CDH13: variants seen among roughly 807,000 people sequenced by gnomAD.
CDH13 encodes cadherin-13.
In CDH13, 24 loss-of-function variants were observed where a neutral mutation model predicts 63.8. The observed-to-expected ratio is 0.38, with a 90% confidence interval of 0.27 to 0.53. The LOEUF (loss-of-function observed/expected upper bound fraction) is 0.53, where lower values mean the gene tolerates loss of function less well. CDH13 is among the 20% of genes least tolerant of loss of function. CDH13 has a pLI of 0.85. For missense variants in CDH13, 1,049 were observed against 903.1 expected (o/e 1.16, Z -2.07); for synonymous variants, 503 against 355.3 (o/e 1.42, Z -4.67).
At chr16:83,092,999 A>T (rs77002678) in intron 3 of CDH13, among the ~76,000 whole-genome samples, 2,615 of 152,314 alleles carry the variant, frequency 0.017, 78 homozygotes, top group African/African-American at 0.059. Flanking sequence ...GTATCTACTA[A>T]TGAAAATGTG....
intron 6 of CDH13, among the ~76,000 whole-genome samples, chr16:83,350,862 C>G (rs1202202743): frequency 6.6e-6 from 1 of 152,152 alleles, no homozygotes; most frequent in African/African-American, 2.4e-5. Flanking sequence ...CACCTGAGTT[C>G]CTTTTCAAGA....
Position 82,956,136 on chromosome 16 carries a change from A to G in CDH13, c.158-75874A>G, listed in dbSNP as rs1295580267. 2.0e-5 allele frequency among the ~76,000 whole-genome samples: 3 copies of G among 152,068 alleles called. No homozygotes were observed. In the East Asian group the frequency reaches 5.8e-4, roughly 30 times the overall value. On this transcript the variant is annotated intron_variant, in intron 2 of 13. Coordinates refer to ENST00000567109, the MANE Select transcript of CDH13 (RefSeq NM_001257.5). ...GTATGCTTTCTATTTTAGCAAATCAAGGGTGCTACTCACCGTGCTGTTGCC... is the reference window on the plus strand; with the variant it reads ...GTATGCTTTCTATTTTAGCAAATCAGGGGTGCTACTCACCGTGCTGTTGCC...
intron 1 of CDH13, chr16:82,825,518 C>G (rs2151102403): frequency 6.6e-6 from 1 of 150,848 alleles, no homozygotes; most frequent in Non-Finnish European, 1.5e-5. Context: ...CTTATTTCCT[C>G]TTAGATCTAA....
Position 82,719,293 on chromosome 16 carries a change from G to A in CDH13, c.45+92156G>A, listed in dbSNP as rs78541536. The A allele has an allele frequency of 1.9e-3, 854 of 450,278 alleles. 5 individuals are homozygous for A. Among genetic ancestry groups the A allele is most frequent in the African/African-American group, 0.016 (796 of 50,022 alleles). The allele number at this position is 450,278 out of a possible 1,614,324, so 27.9% of individuals were successfully genotyped here. On this transcript the variant is annotated intron_variant, in intron 1 of 13. Coordinates refer to ENST00000567109, the MANE Select transcript of CDH13 (RefSeq NM_001257.5). ...TTTGGCCTGAGTCTATCTGGGACAG[G>A]TGGTGTGGAGATGCACTGTTACTAA... is the stretch of plus-strand genomic sequence containing the variant.
At chr16:83,766,431 A>T (rs1206986317) in intron 11 of CDH13, among the ~76,000 whole-genome samples, 2 of 152,232 alleles carry the variant, frequency 1.3e-5, no homozygotes, top group Non-Finnish European at 1.5e-5. Flanking sequence ...GAATTCAAAC[A>T]TATGCTGAGC....
intron 11 of CDH13, among the ~76,000 whole-genome samples, chr16:83,758,329 C>T (rs1018107242): frequency 8.6e-5 from 13 of 151,766 alleles, no homozygotes; most frequent in African/African-American, 3.1e-4. Context: ...AAATTCTTAA[C>T]AAAAATATTA....
At chr16:82,837,530 A>G (rs1006785865) in intron 1 of CDH13, among the ~76,000 whole-genome samples, 3 of 152,202 alleles carry the variant, frequency 2.0e-5, no homozygotes, top group Non-Finnish European at 4.4e-5. Context: ...GAAAATATAC[A>G]AAATGAAATC....
intron 6 of CDH13, among the ~76,000 whole-genome samples, chr16:83,464,239 A>G (rs1045353012): frequency 6.6e-6 from 1 of 152,148 alleles, no homozygotes; most frequent in South Asian, 2.1e-4. Context: ...TTTGCTGGGC[A>G]TGGTGGCTCA....
At chr16:82,982,312 T>C (rs919692935) in intron 2 of CDH13, among the ~76,000 whole-genome samples, 1 of 152,160 alleles carries the variant, frequency 6.6e-6, no homozygotes, top group Admixed American at 6.5e-5. Context: ...AGTTGACATT[T>C]TCCAATATTC....
At chr16:83,173,801 T>A (rs8063296) in intron 4 of CDH13, among the ~76,000 whole-genome samples, 6 of 151,956 alleles carry the variant, frequency 3.9e-5, no homozygotes, top group South Asian at 2.1e-4. Context: ...GGTTGTACCC[T>A]TTTTACCTGC....
chr16:83,590,564 G>C (rs985874869), intron 7 of CDH13, among the ~76,000 whole-genome samples: 22 of 152,126 alleles, frequency 1.4e-4, no homozygotes, highest in African/African-American at 5.3e-4. Flanking sequence ...ATGCTGTTTG[G>C]TGTCTTAGAG....
chr16:82,725,421 C>G (rs1264248714), intron 1 of CDH13, among the ~76,000 whole-genome samples: 2 of 152,152 alleles, frequency 1.3e-5, no homozygotes, highest in African/African-American at 4.8e-5. Flanking sequence ...GCTAGCTCCA[C>G]CACTTAGCAG....
chr16:83,464,270 T>C (rs1166186241), intron 6 of CDH13, among the ~76,000 whole-genome samples: 2 of 152,044 alleles, frequency 1.3e-5, no homozygotes, highest in African/African-American at 4.8e-5. Flanking sequence ...CCCAGCACTT[T>C]GGGAGGCCAA....
rs570842078 is a variant in CDH13, at chr16:83,591,504, G to T, written c.961-10950G>T. On this transcript the variant is annotated intron_variant, in intron 7 of 13. Coordinates refer to ENST00000567109, the MANE Select transcript of CDH13 (RefSeq NM_001257.5). Reference sequence around the variant, plus strand: ...CTTGAAGGTAGGGCAGGACGAGAAGGCCTCGAAGGTACTTTTGAGAACTTG... The same window carrying T: ...CTTGAAGGTAGGGCAGGACGAGAAGTCCTCGAAGGTACTTTTGAGAACTTG... 3.0e-4 allele frequency among the ~76,000 whole-genome samples: 45 copies of T among 152,310 alleles called. 1 individual carries two copies. The South Asian group carries it at 9.1e-3, about 31-fold the overall frequency.
chr16:83,353,614 C>G (rs2091000484), intron 6 of CDH13, among the ~76,000 whole-genome samples: 1 of 152,228 alleles, frequency 6.6e-6, no homozygotes, highest in Non-Finnish European at 1.5e-5. Flanking sequence ...CTCTCTCTCC[C>G]CCTAAATTCA....
At chr16:83,102,355 C>G (rs1406029962) in intron 3 of CDH13, among the ~76,000 whole-genome samples, 1 of 152,210 alleles carries the variant, frequency 6.6e-6, no homozygotes, top group African/African-American at 2.4e-5. Context: ...AATTCTGTGG[C>G]TATCTGGCGG....
intron 6 of CDH13, among the ~76,000 whole-genome samples, chr16:83,359,464 G>C (rs898629530): frequency 1.3e-5 from 2 of 152,052 alleles, no homozygotes; most frequent in East Asian, 1.9e-4. Flanking sequence ...TCTTAGTGTC[G>C]TCACCCAGCA....
chr16:83,275,069 G>T lies in CDH13; in HGVS notation c.636+57572G>T, dbSNP rs541716908. 2.0e-5 allele frequency among the ~76,000 whole-genome samples: 3 copies of T among 152,182 alleles called. No individual in the cohort carries two copies. The South Asian group carries it at 6.2e-4, about 32-fold the overall frequency. On this transcript the variant is annotated intron_variant, in intron 5 of 13. Transcript: ENST00000567109. The stretch of plus-strand genomic sequence containing the variant: ...TGTCACTTCCCACTATTATACATGA[G>T]GGCAGGGATCGTTGGTCACTCCTAC...
At chr16:83,675,471 G>C (rs550141063) in intron 9 of CDH13, among the ~76,000 whole-genome samples, 3 of 152,204 alleles carry the variant, frequency 2.0e-5, no homozygotes, top group Non-Finnish European at 4.4e-5. Flanking sequence ...CGTTCAGGGA[G>C]TGTCAGCCTG....
Sources: gnomAD v4.1 joint callset for allele counts (sites outside exome capture counted in the v4.1 genomes callset) on GRCh38, gnomAD v4.1.1 for gene constraint, MANE v1.5 for transcripts, NCBI Gene and HGNC (gene_info 2026-07-23, HGNC 2026-07-21) for gene names.